Variants in RIT2 observed in about 807,000 individuals in gnomAD.
The protein encoded by RIT2 is Ras like without CAAX 2.
Under a neutral mutation model 23.7 loss-of-function variants are expected in RIT2, and 24 were observed. That is an observed-to-expected ratio of 1.01 (90% CI 0.73 to 1.43). The LOEUF (loss-of-function observed/expected upper bound fraction) is 1.43. Among genes scored for constraint, RIT2 ranks in the 40% most tolerant of loss-of-function variants. The pLI is 0.00. For missense variants in RIT2, 236 were observed against 266.9 expected (o/e 0.88, Z 0.81); for synonymous variants, 107 against 91.1 (o/e 1.17, Z -0.99).
chr18:42,752,874 G>A (rs1234687458), intron 4 of RIT2, among the ~76,000 whole-genome samples: 2 of 152,112 alleles, frequency 1.3e-5, no homozygotes, highest in Non-Finnish European at 2.9e-5. Flanking sequence ...TTGATTTAAT[G>A]TGACACCTGG....
intron 4 of RIT2, among the ~76,000 whole-genome samples, chr18:42,882,974 ATATAT>A (rs543704492): frequency 1.4e-4 from 21 of 152,324 alleles, no homozygotes; most frequent in African/African-American, 4.6e-4. Context: ...ATACATTTGT[ATATAT>A]TATATGTTTA....
In RIT2 at chr18:42,955,135, G is replaced by A. The variant is rs539171511; in HGVS notation, c.234+18939C>T. Among the ~76,000 whole-genome samples the A allele has an allele frequency of 2.6e-5, 4 of 152,248 alleles. No homozygotes were observed. In the East Asian group the frequency reaches 7.7e-4, roughly 29 times the overall value. ...GTAATTAAATTATCAGAAAAAAATA[G>A]TTGACCATGATAATTCAAGCTGTTT... On this transcript the variant is annotated intron_variant, in intron 3 of 4. Transcript: ENST00000326695.
intron 2 of RIT2, among the ~76,000 whole-genome samples, chr18:43,025,345 G>A (rs1174237438): frequency 2.0e-5 from 3 of 150,366 alleles, no homozygotes; most frequent in Non-Finnish European, 2.9e-5. Flanking sequence ...ATGTAAATTA[G>A]TACAAACTCT....
At chr18:42,960,034 T>C (rs967044040) in intron 3 of RIT2, among the ~76,000 whole-genome samples, 3 of 152,168 alleles carry the variant, frequency 2.0e-5, no homozygotes, top group South Asian at 2.1e-4. Flanking sequence ...CAATTACAAA[T>C]AGTCAGAAAT....
intron 3 of RIT2, among the ~76,000 whole-genome samples, chr18:42,966,901 T>C (rs1480775211): frequency 6.6e-6 from 1 of 152,106 alleles, no homozygotes; most frequent in Non-Finnish European, 1.5e-5. Context: ...TGCTTCATGA[T>C]ACAACTGTAC....
chr18:42,814,828 C>A (rs756027188), intron 4 of RIT2, among the ~76,000 whole-genome samples: 4 of 152,224 alleles, frequency 2.6e-5, no homozygotes, highest in East Asian at 3.9e-4. Flanking sequence ...CCTCTCCCGC[C>A]GCCACCTCCA....
At chr18:42,956,718 C>A (rs1909978534) in intron 3 of RIT2, among the ~76,000 whole-genome samples, 1 of 152,076 alleles carries the variant, frequency 6.6e-6, no homozygotes, top group Non-Finnish European at 1.5e-5. Context: ...GGTTATTACT[C>A]TCTTGATACC....
intron 1 of RIT2, among the ~76,000 whole-genome samples, chr18:43,110,755 C>A (rs1420998921): frequency 6.6e-6 from 1 of 151,984 alleles, no homozygotes; most frequent in Non-Finnish European, 1.5e-5. Flanking sequence ...ATTCTACTGT[C>A]ATTTAATGTT....
At chr18:42,972,599 A>G (rs191804612) in intron 3 of RIT2, among the ~76,000 whole-genome samples, 126 of 152,048 alleles carry the variant, frequency 8.3e-4, no homozygotes, top group African/African-American at 3.0e-3. Context: ...TTACATGTAT[A>G]GTTAAAATCT....
intron 3 of RIT2, among the ~76,000 whole-genome samples, chr18:42,954,299 C>T (rs1343375654): frequency 6.7e-6 from 1 of 150,074 alleles, no homozygotes; most frequent in African/African-American, 2.5e-5. Flanking sequence ...CTCACTTGAA[C>T]CTGGGAGACA....
intron 3 of RIT2, among the ~76,000 whole-genome samples, chr18:42,958,118 T>C (rs1261587817): frequency 6.6e-6 from 1 of 152,156 alleles, no homozygotes; most frequent in Non-Finnish European, 1.5e-5. Flanking sequence ...CATGGATTGC[T>C]CACCTTTGGC....
chr18:42,778,751 G>A (rs552799861), intron 4 of RIT2, among the ~76,000 whole-genome samples: 129 of 152,158 alleles, frequency 8.5e-4, no homozygotes, highest in South Asian at 1.9e-3. Context: ...GTCTATATCC[G>A]AAGAGCTAAT....
At chr18:42,850,994 A>G (rs1907040263) in intron 4 of RIT2, among the ~76,000 whole-genome samples, 1 of 152,198 alleles carries the variant, frequency 6.6e-6, no homozygotes, top group Admixed American at 6.5e-5. Context: ...TATCTTCCAC[A>G]TTGCTTTTTA....
chr18:42,797,408 CTCTT>C (rs1373892784), intron 4 of RIT2, among the ~76,000 whole-genome samples: 2 of 151,872 alleles, frequency 1.3e-5, no homozygotes, highest in South Asian at 2.1e-4. Flanking sequence ...AAAATTTTAT[CTCTT>C]TCTATCTTAT....
intron 4 of RIT2, among the ~76,000 whole-genome samples, chr18:42,774,293 C>T (rs890624825): frequency 8.5e-5 from 13 of 152,086 alleles, no homozygotes; most frequent in African/African-American, 2.9e-4. Context: ...CCCCACTCTC[C>T]TCCCAACTTC....
intron 4 of RIT2, among the ~76,000 whole-genome samples, chr18:42,748,559 TA>T (rs1174552131): frequency 2.0e-5 from 3 of 152,096 alleles, no homozygotes; most frequent in Admixed American, 6.6e-5. Context: ...AAAGTAGAAC[TA>T]CCAGTTGATC....
chr18:42,761,377 T>C (rs1567989817), intron 4 of RIT2, among the ~76,000 whole-genome samples: 1 of 152,190 alleles, frequency 6.6e-6, no homozygotes, highest in African/African-American at 2.4e-5. Context: ...TCCCTAAGCA[T>C]TTGCTTATCA....
intron 4 of RIT2, among the ~76,000 whole-genome samples, chr18:42,763,541 T>C (rs917282449): frequency 1.3e-5 from 2 of 151,488 alleles, no homozygotes; most frequent in Non-Finnish European, 1.5e-5. Context: ...CTCCCATGAG[T>C]CAGTGAGTGA....
chr18:42,892,363 T>C (rs1022338915), intron 4 of RIT2, among the ~76,000 whole-genome samples: 8 of 152,240 alleles, frequency 5.3e-5, no homozygotes, highest in African/African-American at 1.9e-4. Flanking sequence ...CATGAATTAA[T>C]GTATTTTAAT....
Sources: gnomAD v4.1 joint callset for allele counts (sites outside exome capture counted in the v4.1 genomes callset) on GRCh38, gnomAD v4.1.1 for gene constraint, MANE v1.5 for transcripts, NCBI Gene and HGNC (gene_info 2026-07-23, HGNC 2026-07-21) for gene names.